Variants in SEPTIN9 observed in about 807,000 individuals in gnomAD.
SEPTIN9 encodes the protein septin 9, also known as septin-9.
In SEPTIN9, 13 loss-of-function variants were observed where a neutral mutation model predicts 56.6. That is an observed-to-expected ratio of 0.23 (90% CI 0.15 to 0.37). SEPTIN9 has a LOEUF of 0.37. SEPTIN9 is among the 10% of genes least tolerant of loss of function. The pLI, the probability that SEPTIN9 is intolerant of heterozygous loss-of-function variation, is 1.00. For missense variants in SEPTIN9, 650 were observed against 823.1 expected, an observed-to-expected ratio of 0.79 and a Z score of 2.57; for synonymous variants, 332 against 334.1, an observed-to-expected ratio of 0.99 and a Z score of 0.07.
chr17:77,415,627 CAAA>C (rs772446190), intron 3 of SEPTIN9, among the ~76,000 whole-genome samples: 1 of 63,222 alleles, frequency 1.6e-5, no homozygotes, highest in Non-Finnish European at 3.3e-5. Flanking sequence ...GACTATGTCT[CAAA>C]AAAAAAAAAA....
At chr17:77,305,409 C>T (rs1015997395) in intron 1 of SEPTIN9, among the ~76,000 whole-genome samples, 1 of 152,088 alleles carries the variant, frequency 6.6e-6, no homozygotes, top group Non-Finnish European at 1.5e-5. Flanking sequence ...CCGTCAGACC[C>T]TCGCAAGCAG....
At chr17:77,390,046 C>G (rs1226972788) in intron 2 of SEPTIN9, among the ~76,000 whole-genome samples, 1 of 152,166 alleles carries the variant, frequency 6.6e-6, no homozygotes, top group African/African-American at 2.4e-5. Flanking sequence ...GAGAGGCCTT[C>G]GTCCCGGATC....
chr17:77,419,463 G>T (rs1325525254), intron 3 of SEPTIN9, among the ~76,000 whole-genome samples: 1 of 152,080 alleles, frequency 6.6e-6, no homozygotes, highest in African/African-American at 2.4e-5. Context: ...AGCCCAGGAA[G>T]AAGAGGGGCC....
At chr17:77,290,074 A>G (rs1456953590) in intron 1 of SEPTIN9, among the ~76,000 whole-genome samples, 1 of 152,100 alleles carries the variant, frequency 6.6e-6, no homozygotes, top group Admixed American at 6.6e-5. Context: ...TGGACATTGC[A>G]TCTTGTAGGG....
chr17:77,414,984 G>A (rs893348887), intron 3 of SEPTIN9, among the ~76,000 whole-genome samples: 1 of 152,232 alleles, frequency 6.6e-6, no homozygotes, highest in Non-Finnish European at 1.5e-5. Context: ...GCAGGTGCCA[G>A]TGCGTCCCTG....
At chr17:77,462,277 G>A (rs1441433771) in intron 3 of SEPTIN9, among the ~76,000 whole-genome samples, 1 of 152,132 alleles carries the variant, frequency 6.6e-6, no homozygotes, top group Non-Finnish European at 1.5e-5. Context: ...TCACTCTGTC[G>A]CACGTCCAGG....
chr17:77,380,244 T>G, intron 2 of SEPTIN9: 1 of 1,774 alleles, frequency 5.6e-4, no homozygotes, highest in Non-Finnish European at 1.1e-3. Flanking sequence ...GCCGGGACCA[T>G]AAACAGTGAG....
chr17:77,471,394 G>A (rs550582539), intron 3 of SEPTIN9, among the ~76,000 whole-genome samples: 1 of 152,384 alleles, frequency 6.6e-6, no homozygotes, highest in African/African-American at 2.4e-5. Context: ...AGGGAATTGG[G>A]GGAAAGCTTT....
intron 4 of SEPTIN9, chr17:77,482,688 C>T: frequency 1.7e-6 from 1 of 597,656 alleles, no homozygotes; most frequent in Admixed American, 2.9e-5. Context: ...GTTGCTCCAG[C>T]CTGGCCCTCC....
At chr17:77,444,802 A>ACTTAGCTCACT (rs2037674922) in intron 3 of SEPTIN9, 2 of 250,864 alleles carry the variant, frequency 8.0e-6, no homozygotes, top group Non-Finnish European at 1.6e-5. Flanking sequence ...CGGACACCAG[A>ACTTAGCTCACT]TGGCTCGGGC....
intron 3 of SEPTIN9, among the ~76,000 whole-genome samples, chr17:77,418,823 G>A (rs112173729): frequency 6.6e-6 from 1 of 152,154 alleles, no homozygotes; most frequent in Non-Finnish European, 1.5e-5. Context: ...TCTGTGGGCC[G>A]TGCTTCCAGG....
chr17:77,343,207 A>G (rs760271867), intron 2 of SEPTIN9, among the ~76,000 whole-genome samples: 1 of 152,158 alleles, frequency 6.6e-6, no homozygotes, highest in African/African-American at 2.4e-5. Flanking sequence ...TTGTGATTAG[A>G]AGGCTAGAAC....
At chr17:77,324,063 C>T (rs759263842) in intron 2 of SEPTIN9, among the ~76,000 whole-genome samples, 64 of 152,208 alleles carry the variant, frequency 4.2e-4, no homozygotes, top group Non-Finnish European at 7.8e-4. Context: ...TGGCGGCTCC[C>T]GAAACCCTTG....
At chr17:77,308,177 A>G (rs2143599442) in intron 2 of SEPTIN9, among the ~76,000 whole-genome samples, 1 of 152,344 alleles carries the variant, frequency 6.6e-6, no homozygotes, top group Admixed American at 6.5e-5. Context: ...CTGGGGGCCA[A>G]CTGGGTGCCA....
intron 1 of SEPTIN9, chr17:77,288,300 C>A: frequency 2.5e-6 from 2 of 792,872 alleles, no homozygotes; most frequent in Non-Finnish European, 3.1e-6. Flanking sequence ...CTCTGCTTTT[C>A]CCAGCGCTGC....
chr17:77,395,713 A>G (rs1407931626), intron 2 of SEPTIN9, among the ~76,000 whole-genome samples: 1 of 152,194 alleles, frequency 6.6e-6, no homozygotes, highest in African/African-American at 2.4e-5. Context: ...CAAACTGCAC[A>G]TGTGTGTATG....
chr17:77,486,644 AGT>A (rs1209770400), intron 4 of SEPTIN9, among the ~76,000 whole-genome samples: 2 of 151,054 alleles, frequency 1.3e-5, no homozygotes, highest in African/African-American at 2.4e-5. Flanking sequence ...GTGCATGTGA[AGT>A]GTGTGTGTTG....
chr17:77,452,921 C>G (rs903126750), intron 3 of SEPTIN9, among the ~76,000 whole-genome samples: 1 of 150,512 alleles, frequency 6.6e-6, no homozygotes, highest in African/African-American at 2.5e-5. Context: ...CTCCTTGGGT[C>G]TCTTTTAGGC....
intron 1 of SEPTIN9, among the ~76,000 whole-genome samples, chr17:77,300,908 A>C (rs1236661578): frequency 2.1e-5 from 1 of 46,988 alleles, no homozygotes; most frequent in African/African-American, 9.0e-5. Context: ...AACCACCCCC[A>C]ACACAGGCTC....
Sources: allele counts gnomAD v4.1 joint callset (sites outside exome capture counted in the v4.1 genomes callset), GRCh38; gene constraint gnomAD v4.1.1; transcripts MANE v1.5; gene names NCBI Gene and HGNC (gene_info 2026-07-23, HGNC 2026-07-21).